The following ATP10B variants were observed in gnomAD, a reference collection of about 807,000 sequenced individuals.
ATP10B encodes the protein ATPase phospholipid transporting 10B (putative), also known as phospholipid-transporting ATPase VB.
ATP10B carries 122 observed loss-of-function variants against 141.2 expected under a neutral mutation model. The ratio of observed to expected loss-of-function variants is 0.86; its 90% CI spans 0.75 to 1.00. The LOEUF (loss-of-function observed/expected upper bound fraction) is 1.00. Among genes scored for constraint, ATP10B ranks in the 50% least tolerant of loss-of-function variants. ATP10B has a pLI of 0.00. For synonymous variants in ATP10B, 685 were observed against 692.0 expected (o/e 0.99, Z 0.16); for missense variants, 1,876 against 1,825.3 (o/e 1.03, Z -0.51).
chr5:160,587,703 A>G (rs186987464), intron 24 of ATP10B, among the ~76,000 whole-genome samples: 1 of 152,316 alleles, frequency 6.6e-6, no homozygotes, highest in East Asian at 1.9e-4. Context: ...TGTGATTGGA[A>G]GTACATTCAT....
At chr5:160,573,827 C>A (rs1755026768) in intron 24 of ATP10B, among the ~76,000 whole-genome samples, 1 of 152,126 alleles carries the variant, frequency 6.6e-6, no homozygotes, top group Admixed American at 6.5e-5. Flanking sequence ...CTAGTAGGTT[C>A]ATTTTAACTA....
intron 2 of ATP10B, among the ~76,000 whole-genome samples, chr5:160,725,611 G>A (rs145899491): frequency 0.043 from 6,613 of 152,110 alleles, 490 homozygotes; most frequent in African/African-American, 0.15. Flanking sequence ...ACACCCGGCT[G>A]ATTTTTTGTA....
At chr5:160,663,269 C>T (rs62390687) in intron 7 of ATP10B, among the ~76,000 whole-genome samples, 4,085 of 152,236 alleles carry the variant, frequency 0.027, 66 homozygotes, top group Non-Finnish European at 0.042. Context: ...TACCATTTGA[C>T]CCAGCCATCC....
intron 24 of ATP10B, among the ~76,000 whole-genome samples, chr5:160,571,147 C>A (rs909255201): frequency 6.6e-6 from 1 of 152,008 alleles, no homozygotes; most frequent in African/African-American, 2.4e-5. Context: ...TCAAAGATTG[C>A]CTATATTTCA....
rs200376757 is a variant in ATP10B at position 160,565,479 on chromosome 5, G to A, written c.4360C>T (p.Arg1454Ter). 29 of 1,613,952 alleles carry A rather than the reference G, an allele frequency of 1.8e-5. No homozygotes were observed. The East Asian group carries it at 2.5e-4, about 14-fold the overall frequency. Reference sequence around the variant, plus strand: ...CATATGGTCAGTGAACTCTGGGATCGGCGATGGCTGCTCCTCTTTGAGCAC... The same window carrying A: ...CATATGGTCAGTGAACTCTGGGATCAGCGATGGCTGCTCCTCTTTGAGCAC... ...CRCSKRSSHRRSQSSLTI is the reference protein window; with the variant it reads ...CRCSKRSSHR The change falls in exon 26 of 26, where the codon CGA (arginine) becomes TGA (stop). Residue 1454 changes from arginine (R) to a stop codon, truncating the protein, a stop_gained. Transcript: ENST00000327245. LOFTEE classifies it high-confidence loss of function.
chr5:160,852,462 C>A (rs1753862123), upstream of ATP10B, among the ~76,000 whole-genome samples: 1 of 152,112 alleles, frequency 6.6e-6, no homozygotes, highest in South Asian at 2.1e-4. Flanking sequence ...CCTTGCAGTT[C>A]TCTTTGGGGG....
At chr5:160,849,497 CA>C (rs1445791392) in intron 1 of ATP10B, among the ~76,000 whole-genome samples, 1 of 152,056 alleles carries the variant, frequency 6.6e-6, no homozygotes, top group Non-Finnish European at 1.5e-5. Flanking sequence ...ACGTTTAAGA[CA>C]GTACTTAATA....
chr5:160,565,495 C>T lies in ATP10B; in HGVS notation c.4344G>A (p.Lys1448=). ...TCTGGGATCGGCGATGGCTGCTCCT[C>T]TTTGAGCACCGGCACATATCAGTCT... ...RGQTDMCRCS[K]RSSHRRSQSS... Residue 1448 remains lysine (K), a synonymous_variant, in exon 26 of 26, where the codon AAG becomes AAA. Transcript: ENST00000327245. 6.2e-7 allele frequency: 1 copy of T among 1,614,146 alleles called. No homozygotes were observed. Among genetic ancestry groups the T allele is most frequent in the Non-Finnish European group, 8.5e-7 (1 of 1,179,974 alleles).
chr5:160,889,526 G>C, the ATP10B span, among the ~76,000 whole-genome samples: 1 of 152,156 alleles, frequency 6.6e-6, no homozygotes, highest in East Asian at 1.9e-4. Context: ...TAGCCTGAGT[G>C]GTATTTTCAA....
chr5:160,686,933 C>T (rs1404300737), intron 5 of ATP10B: 3 of 984,864 alleles, frequency 3.0e-6, no homozygotes, highest in Non-Finnish European at 3.6e-6. Flanking sequence ...TGATCTCATA[C>T]ATTATCTCAA....
intron 6 of ATP10B, among the ~76,000 whole-genome samples, chr5:160,675,721 G>C (rs1238166379): frequency 6.6e-6 from 1 of 152,176 alleles, no homozygotes; most frequent in Non-Finnish European, 1.5e-5. Context: ...AGTGACTGCA[G>C]CATAGGGATT....
At chr5:160,719,928 A>T (rs1765897138) in intron 2 of ATP10B, among the ~76,000 whole-genome samples, 1 of 152,202 alleles carries the variant, frequency 6.6e-6, no homozygotes, top group Admixed American at 6.5e-5. Context: ...CATCCCAAGA[A>T]AAACTAACAG....
intron 1 of ATP10B, among the ~76,000 whole-genome samples, chr5:160,826,907 C>G (rs1774647747): frequency 6.6e-6 from 1 of 152,152 alleles, no homozygotes; most frequent in Non-Finnish European, 1.5e-5. Context: ...GATCGGTTCT[C>G]TGCTCTCAAA....
the ATP10B span, among the ~76,000 whole-genome samples, chr5:160,903,746 C>T: frequency 2.0e-5 from 3 of 152,132 alleles, no homozygotes; most frequent in Non-Finnish European, 2.9e-5. Context: ...AAGATTAGAA[C>T]AGGAGCACAG....
intron 1 of ATP10B, among the ~76,000 whole-genome samples, chr5:160,848,331 T>C (rs1753552105): frequency 6.6e-6 from 1 of 152,218 alleles, no homozygotes; most frequent in African/African-American, 2.4e-5. Context: ...TAAGTTCTTA[T>C]ACCATTTCTA....
At position 160,608,647 on chromosome 5, in the gene ATP10B, T is replaced by C. The variant is rs141649073; in HGVS notation, c.2839-1561A>G. ...CTAGCTGGTTTAAGATGGTATCTCATTGTGGTTTTGATTTATATTTCTCTG... is the reference window on the plus strand; with the variant it reads ...CTAGCTGGTTTAAGATGGTATCTCACTGTGGTTTTGATTTATATTTCTCTG... On this transcript the variant is annotated intron_variant, in intron 18 of 25. Coordinates refer to ENST00000327245, the MANE Select transcript of ATP10B (RefSeq NM_025153.3). Among the ~76,000 whole-genome samples, 23 of 152,324 alleles carry C rather than the reference T, an allele frequency of 1.5e-4. No homozygotes were observed. In the East Asian group the frequency reaches 4.2e-3, roughly 28 times the overall value.
chr5:160,606,271 A>G (rs1306515718), intron 19 of ATP10B, among the ~76,000 whole-genome samples: 1 of 152,188 alleles, frequency 6.6e-6, no homozygotes, highest in East Asian at 1.9e-4. Flanking sequence ...TCTATTGGTG[A>G]TATGCTTTGT....
At chr5:160,926,361 C>A in the ATP10B span, among the ~76,000 whole-genome samples, 3 of 152,066 alleles carry the variant, frequency 2.0e-5, no homozygotes, top group Non-Finnish European at 4.4e-5. Context: ...GCTTATGGGC[C>A]CCTAGCTTCC....
chr5:160,901,445 GT>G, the ATP10B span, among the ~76,000 whole-genome samples: 13 of 152,292 alleles, frequency 8.5e-5, no homozygotes, highest in Admixed American at 6.5e-4. Flanking sequence ...TAGAATGCCT[GT>G]TTTGTTCTGA....
Sources: allele counts gnomAD v4.1 joint callset (sites outside exome capture counted in the v4.1 genomes callset), GRCh38; gene constraint gnomAD v4.1.1; transcripts MANE v1.5; gene names NCBI Gene and HGNC (gene_info 2026-07-23, HGNC 2026-07-21).